The following GMDS variants were observed in gnomAD, a reference collection of about 807,000 sequenced individuals.
The protein encoded by GMDS is GDP-mannose 4,6-dehydratase, also known as GDP-mannose 4,6 dehydratase.
In GMDS, 20 loss-of-function variants were observed where a neutral mutation model predicts 49.9. The observed-to-expected ratio is 0.40, with a 90% CI of 0.28 to 0.58. GMDS has a LOEUF of 0.58. Among genes scored for constraint, GMDS ranks in the 20% least tolerant of loss-of-function variants. The probability of loss-of-function intolerance (pLI) is 0.42; values close to 1 mark genes in which losing one functional copy is unlikely to be tolerated. For missense variants in GMDS, 362 were observed against 481.4 expected (o/e 0.75, Z 2.32); for synonymous variants, 177 against 178.6 (o/e 0.99, Z 0.07).
chr6:1,785,134 T>A (rs1486600376), intron 7 of GMDS, among the ~76,000 whole-genome samples: 1 of 152,210 alleles, frequency 6.6e-6, no homozygotes, highest in African/African-American at 2.4e-5. Flanking sequence ...TGACCCATTA[T>A]TTTCTAACAG....
At chr6:2,163,419 A>AT (rs201060025) in intron 1 of GMDS, among the ~76,000 whole-genome samples, 6,157 of 146,720 alleles carry the variant, frequency 0.042, 253 homozygotes, top group South Asian at 0.13. Context: ...GTGTGTGTCT[A>AT]TGTGTGTGTG....
chr6:1,637,489 C>T (rs1338388060), intron 9 of GMDS, among the ~76,000 whole-genome samples: 1 of 152,242 alleles, frequency 6.6e-6, no homozygotes, highest in Non-Finnish European at 1.5e-5. Context: ...AAGTCAGGCT[C>T]TCTGGGTGCT....
intron 9 of GMDS, among the ~76,000 whole-genome samples, chr6:1,713,634 G>A (rs149341954): frequency 1.9e-3 from 288 of 152,290 alleles, no homozygotes; most frequent in Non-Finnish European, 3.0e-3. Flanking sequence ...ATACACGTAC[G>A]TGTGTTTGTG....
chr6:2,065,120 C>T (rs560288863), intron 4 of GMDS, among the ~76,000 whole-genome samples: 121 of 152,222 alleles, frequency 7.9e-4, no homozygotes, highest in Non-Finnish European at 1.4e-3. Flanking sequence ...TGACCCCTGA[C>T]CCCTGAGCAG....
At chr6:2,010,635 A>C (rs1445060049) in intron 4 of GMDS, among the ~76,000 whole-genome samples, 2 of 152,208 alleles carry the variant, frequency 1.3e-5, no homozygotes, top group African/African-American at 2.4e-5. Context: ...AAACTACATG[A>C]AATGTAAATC....
intron 2 of GMDS, 100 bp downstream of exon 2, chr6:2,124,587 G>T: frequency 1.1e-6 from 1 of 887,792 alleles, no homozygotes; most frequent in Non-Finnish European, 1.9e-6. Context: ...CTGCGTTTCA[G>T]TGGAAAACAC....
chr6:2,138,342 C>T (rs1450595089), intron 1 of GMDS, among the ~76,000 whole-genome samples: 2 of 152,154 alleles, frequency 1.3e-5, no homozygotes, highest in Non-Finnish European at 2.9e-5. Context: ...TTTGTCTCTT[C>T]TCATAATTTT....
chr6:1,678,000 A>G (rs1260540263), intron 9 of GMDS, among the ~76,000 whole-genome samples: 1 of 152,200 alleles, frequency 6.6e-6, no homozygotes, highest in Non-Finnish European at 1.5e-5. Context: ...GCCTTCTCAT[A>G]TCGATGGGAT....
At chr6:1,718,580 G>A (rs890228105) in intron 9 of GMDS, among the ~76,000 whole-genome samples, 43 of 152,108 alleles carry the variant, frequency 2.8e-4, no homozygotes, top group East Asian at 9.7e-4. Context: ...ACCCCACCCC[G>A]GGCTGTCCCG....
chr6:1,746,894 G>T (rs571547767), intron 7 of GMDS, among the ~76,000 whole-genome samples: 2 of 152,186 alleles, frequency 1.3e-5, no homozygotes, highest in South Asian at 2.1e-4. Flanking sequence ...TAGAGATGGG[G>T]TTTCACCATG....
chr6:2,181,608 T>C (rs1778534710), intron 1 of GMDS, among the ~76,000 whole-genome samples: 2 of 152,194 alleles, frequency 1.3e-5, no homozygotes, highest in Admixed American at 6.5e-5. Flanking sequence ...TATTTCAAAC[T>C]TTTTCATTAT....
intron 9 of GMDS, among the ~76,000 whole-genome samples, chr6:1,719,041 A>G (rs1766273675): frequency 6.6e-6 from 1 of 152,152 alleles, no homozygotes; most frequent in African/African-American, 2.4e-5. Context: ...AGCATTACAA[A>G]ATGTACAAGG....
intron 7 of GMDS, among the ~76,000 whole-genome samples, chr6:1,810,892 T>C (rs552809799): frequency 1.8e-3 from 280 of 152,314 alleles, no homozygotes; most frequent in African/African-American, 6.5e-3. Context: ...ACTAAAAACA[T>C]ACCTTTGTGG....
intron 4 of GMDS, among the ~76,000 whole-genome samples, chr6:2,020,315 TA>T (rs1405773922): frequency 6.6e-6 from 1 of 151,556 alleles, no homozygotes; most frequent in Non-Finnish European, 1.5e-5. Context: ...TATAAATAAA[TA>T]AAATAAATTA....
intron 7 of GMDS, among the ~76,000 whole-genome samples, chr6:1,753,148 T>G (rs565106184): frequency 3.3e-5 from 5 of 152,254 alleles, no homozygotes; most frequent in African/African-American, 1.2e-4. Flanking sequence ...CCATCTCATG[T>G]GCAAAGACAC....
chr6:2,097,002 T>C (rs1271285790), intron 4 of GMDS, among the ~76,000 whole-genome samples: 1 of 152,024 alleles, frequency 6.6e-6, no homozygotes, highest in Admixed American at 6.6e-5. Context: ...GACAGATATA[T>C]AATATGTATA....
Position 1,909,754 on chromosome 6 carries a change from T to C in GMDS, c.771+20349A>G, listed in dbSNP as rs1293200650. ...GGCTATGGCCCCATGGGTGAGTCAG[T>C]AGGCACAAGGCGAGGGTCACATGAT... On this transcript the variant is annotated intron_variant, in intron 7 of 10. Coordinates refer to ENST00000380815, the MANE Select transcript of GMDS (RefSeq NM_001500.4). Among the ~76,000 whole-genome samples the C allele has an allele frequency of 3.3e-5, 5 of 152,162 alleles. No homozygotes were observed. The East Asian group carries it at 5.8e-4, about 18-fold the overall frequency.
intron 7 of GMDS, among the ~76,000 whole-genome samples, chr6:1,901,079 G>A (rs981899722): frequency 6.6e-5 from 10 of 152,330 alleles, no homozygotes; most frequent in Admixed American, 2.6e-4. Flanking sequence ...GTAGCAGAGC[G>A]TAAGCAGCCC....
intron 9 of GMDS, among the ~76,000 whole-genome samples, chr6:1,655,840 G>C (rs565662503): frequency 3.9e-5 from 6 of 152,282 alleles, no homozygotes; most frequent in South Asian, 2.1e-4. Context: ...CCGGAGACAA[G>C]AGCATGATGA....
Sources: gnomAD v4.1 joint callset for allele counts (sites outside exome capture counted in the v4.1 genomes callset) on GRCh38, gnomAD v4.1.1 for gene constraint, MANE v1.5 for transcripts, NCBI Gene and HGNC (gene_info 2026-07-23, HGNC 2026-07-21) for gene names.